Variants in PTPRG observed in about 807,000 individuals in gnomAD.
The protein encoded by PTPRG is protein tyrosine phosphatase receptor type G.
A neutral mutation model predicts 165.3 loss-of-function variants in PTPRG; 102 were observed. The ratio of observed to expected loss-of-function variants is 0.62; its 90% CI spans 0.53 to 0.73. The LOEUF is 0.73. Among genes scored for constraint, PTPRG ranks in the 30% least tolerant of loss-of-function variants. The pLI is 0.00. For missense variants in PTPRG, 1,866 were observed against 1,861.4 expected (o/e 1.00, Z -0.05); for synonymous variants, 675 against 669.5 (o/e 1.01, Z -0.13).
At chr3:61,779,444 G>C (rs2034481466) in intron 2 of PTPRG, among the ~76,000 whole-genome samples, 1 of 152,296 alleles carries the variant, frequency 6.6e-6, no homozygotes, top group African/African-American at 2.4e-5. Flanking sequence ...TGCAGGCTTG[G>C]TGCCTGGCAC....
intron 2 of PTPRG, among the ~76,000 whole-genome samples, chr3:61,806,703 C>T (rs1345000559): frequency 6.6e-6 from 1 of 152,112 alleles, no homozygotes; most frequent in Non-Finnish European, 1.5e-5. Context: ...CCGATGGGCC[C>T]ATGGCTGAAT....
rs553051810 is a variant in PTPRG at position 61,951,254 on chromosome 3, T to C, written c.191-38371T>C. Reference sequence around the variant, plus strand: ...AGTGGCAATCACTTCTATTCCAGCCTGTCCAGTGTTTTCTGCTGAAACTAT... The same window carrying C: ...AGTGGCAATCACTTCTATTCCAGCCCGTCCAGTGTTTTCTGCTGAAACTAT... On this transcript the variant is annotated intron_variant, in intron 2 of 29. Coordinates refer to ENST00000474889, the MANE Select transcript of PTPRG (RefSeq NM_002841.4). 1.4e-3 allele frequency among the ~76,000 whole-genome samples: 216 copies of C among 152,352 alleles called. 1 individual carries two copies. Among genetic ancestry groups the C allele is most frequent in the Admixed American group, 3.3e-3 (51 of 15,304 alleles).
At chr3:61,798,775 G>T (rs1029106800) in intron 2 of PTPRG, among the ~76,000 whole-genome samples, 1 of 152,044 alleles carries the variant, frequency 6.6e-6, no homozygotes, top group African/African-American at 2.4e-5. Flanking sequence ...TCAAGAGTCG[G>T]AGACAAGGGC....
chr3:61,814,683 G>A (rs1302459882), intron 2 of PTPRG, among the ~76,000 whole-genome samples: 5 of 151,842 alleles, frequency 3.3e-5, no homozygotes, highest in Middle Eastern at 3.4e-3. Context: ...AAAAGGAGAA[G>A]TAACCTGTAT....
At chr3:61,667,051 AC>A (rs1702829612) in intron 1 of PTPRG, among the ~76,000 whole-genome samples, 1 of 152,202 alleles carries the variant, frequency 6.6e-6, no homozygotes, top group African/African-American at 2.4e-5. Context: ...TAAAACTTAG[AC>A]CCAGCCATCT....
chr3:62,104,146 G>A (rs2106835732), intron 5 of PTPRG, among the ~76,000 whole-genome samples: 1 of 152,294 alleles, frequency 6.6e-6, no homozygotes, highest in South Asian at 2.1e-4. Context: ...TGCACTTTAT[G>A]ACAATACTGA....
chr3:62,215,546 A>AAC (rs1700475367), intron 12 of PTPRG, among the ~76,000 whole-genome samples: 2 of 63,758 alleles, frequency 3.1e-5, no homozygotes, highest in Non-Finnish European at 5.9e-5. Flanking sequence ...CCCTACGGGA[A>AAC]CCCCCCCCCC....
chr3:61,622,116 C>T (rs1417969563), intron 1 of PTPRG, among the ~76,000 whole-genome samples: 4 of 152,288 alleles, frequency 2.6e-5, no homozygotes, highest in Admixed American at 6.5e-5. Flanking sequence ...CCTTTTCCCG[C>T]CTAAGTTAAC....
chr3:61,590,448 T>C (rs572086045), intron 1 of PTPRG, among the ~76,000 whole-genome samples: 13 of 152,118 alleles, frequency 8.5e-5, no homozygotes, highest in African/African-American at 3.1e-4. Flanking sequence ...CGCTTGAACC[T>C]GGGAGGTGGA....
chr3:62,184,511 T>G (rs571396367), intron 8 of PTPRG, among the ~76,000 whole-genome samples: 5 of 152,204 alleles, frequency 3.3e-5, no homozygotes, highest in Non-Finnish European at 7.4e-5. Flanking sequence ...GATTCCATAT[T>G]TGAAGGTGAT....
intron 1 of PTPRG, among the ~76,000 whole-genome samples, chr3:61,611,390 A>AT (rs1038700395): frequency 1.3e-5 from 2 of 152,170 alleles, no homozygotes; most frequent in South Asian, 2.1e-4. Flanking sequence ...TTTAATTTTC[A>AT]TTTTTTTCCC....
chr3:62,284,895 C>T (rs1702582713), intron 28 of PTPRG, among the ~76,000 whole-genome samples: 1 of 152,112 alleles, frequency 6.6e-6, no homozygotes, highest in Admixed American at 6.6e-5. Flanking sequence ...TCCCAATCTG[C>T]CACTGAAGTA....
intron 2 of PTPRG, among the ~76,000 whole-genome samples, chr3:61,817,374 G>A (rs1395396805): frequency 1.3e-5 from 2 of 150,366 alleles, no homozygotes. Flanking sequence ...GTAATTTAAT[G>A]TACCTTTTCA....
At chr3:62,231,588 C>T (rs1035519108) in intron 14 of PTPRG, among the ~76,000 whole-genome samples, 3 of 151,800 alleles carry the variant, frequency 2.0e-5, no homozygotes, top group Non-Finnish European at 4.4e-5. Context: ...ACTGGGGGTG[C>T]TCTATGTTTG....
At chr3:62,196,789 T>C (rs1219613677) in intron 10 of PTPRG, among the ~76,000 whole-genome samples, 2 of 150,868 alleles carry the variant, frequency 1.3e-5, no homozygotes, top group African/African-American at 5.0e-5. Flanking sequence ...GTGAACGCTT[T>C]TTGAGTTACA....
At chr3:61,933,490 G>C (rs1477859468) in intron 2 of PTPRG, among the ~76,000 whole-genome samples, 1 of 152,186 alleles carries the variant, frequency 6.6e-6, no homozygotes, top group South Asian at 2.1e-4. Context: ...TCCCCACCAA[G>C]CATACGTTGC....
intron 17 of PTPRG, 112 bp from the exon 18 acceptor site, chr3:62,267,298 A>C: frequency 2.5e-6 from 2 of 803,586 alleles, no homozygotes; most frequent in African/African-American, 1.7e-5. Context: ...AAGTTTTCTC[A>C]GACTACCTTG....
intron 2 of PTPRG, among the ~76,000 whole-genome samples, chr3:61,908,194 G>C (rs1428064080): frequency 6.7e-6 from 1 of 149,606 alleles, no homozygotes; most frequent in African/African-American, 2.5e-5. Flanking sequence ...GGGAGGCCAA[G>C]GCAGGTGGAT....
chr3:61,753,562 T>A (rs2033525718), intron 2 of PTPRG: 2 of 442,632 alleles, frequency 4.5e-6, no homozygotes, highest in Non-Finnish European at 4.5e-6. Flanking sequence ...AAATCTAGAG[T>A]AACTTCAAGT....
Sources: allele counts gnomAD v4.1 joint callset (sites outside exome capture counted in the v4.1 genomes callset), GRCh38; gene constraint gnomAD v4.1.1; transcripts MANE v1.5; gene names NCBI Gene and HGNC (gene_info 2026-07-23, HGNC 2026-07-21).